SGCZ: variants seen among roughly 807,000 people sequenced by gnomAD.
The protein encoded by SGCZ is sarcoglycan zeta.
SGCZ carries 40 observed loss-of-function variants against 41.3 expected under a neutral mutation model. The ratio of observed to expected loss-of-function variants is 0.97; its 90% CI spans 0.75 to 1.26. SGCZ has a LOEUF of 1.26. Ranked by LOEUF, SGCZ falls within the 50% of genes most tolerant of loss-of-function variation. The pLI, the probability that SGCZ is intolerant of heterozygous loss-of-function variation, is 0.00. For missense variants in SGCZ, 552 were observed against 369.8 expected (o/e 1.49, Z -4.04); for synonymous variants, 206 against 137.5 (o/e 1.50, Z -3.49).
intron 1 of SGCZ, among the ~76,000 whole-genome samples, chr8:14,997,562 A>C (rs1299485938): frequency 6.6e-6 from 1 of 152,260 alleles, no homozygotes; most frequent in East Asian, 1.9e-4. Context: ...AAAGTTAATT[A>C]GCTGTTATTA....
chr8:14,146,780 G>C (rs1344736868), intron 5 of SGCZ, among the ~76,000 whole-genome samples: 1 of 144,706 alleles, frequency 6.9e-6, no homozygotes, highest in Non-Finnish European at 1.5e-5. Flanking sequence ...GCTGAGGCAG[G>C]AGAATGGCGT....
At chr8:14,626,584 G>A (rs1245395725) in intron 1 of SGCZ, among the ~76,000 whole-genome samples, 3 of 152,062 alleles carry the variant, frequency 2.0e-5, no homozygotes, top group East Asian at 1.9e-4. Context: ...GGAGTAGGGT[G>A]GGCCCCCACT....
intron 1 of SGCZ, among the ~76,000 whole-genome samples, chr8:15,123,664 A>C (rs1419440778): frequency 6.6e-6 from 1 of 152,220 alleles, no homozygotes; most frequent in Non-Finnish European, 1.5e-5. Context: ...ATATTTACTA[A>C]GTACCTTCTA....
chr8:14,542,225 G>A (rs951990271), intron 2 of SGCZ, among the ~76,000 whole-genome samples: 1 of 151,966 alleles, frequency 6.6e-6, no homozygotes, highest in African/African-American at 2.4e-5. Context: ...TTCCTGAATG[G>A]TATTGCCTAG....
intron 1 of SGCZ, among the ~76,000 whole-genome samples, chr8:15,042,681 C>G (rs17120770): frequency 0.053 from 8,138 of 152,214 alleles, 223 homozygotes; most frequent in African/African-American, 0.06. Context: ...TAGATATTTG[C>G]TGTGAAACCC....
chr8:14,410,395 T>C (rs1261899348), intron 2 of SGCZ, among the ~76,000 whole-genome samples: 2 of 118,508 alleles, frequency 1.7e-5, no homozygotes, highest in Non-Finnish European at 3.4e-5. Flanking sequence ...TGTTCAATAA[T>C]TTAAGAAAAA....
chr8:15,214,839 C>G (rs1801347075), intron 1 of SGCZ, among the ~76,000 whole-genome samples: 1 of 152,080 alleles, frequency 6.6e-6, no homozygotes, highest in African/African-American at 2.4e-5. Flanking sequence ...AGAGATGTTA[C>G]CAGAGCAAAT....
intron 1 of SGCZ, among the ~76,000 whole-genome samples, chr8:14,988,667 C>A (rs191850755): frequency 6.6e-6 from 1 of 152,058 alleles, no homozygotes; most frequent in African/African-American, 2.4e-5. Flanking sequence ...AATAGTTAGC[C>A]AAGGAATTCC....
At chr8:14,449,085 C>T (rs796535172) in intron 2 of SGCZ, among the ~76,000 whole-genome samples, 3 of 152,134 alleles carry the variant, frequency 2.0e-5, no homozygotes, top group South Asian at 4.1e-4. Context: ...CAAAACAAGT[C>T]CTGCCAGCAA....
chr8:14,408,029 A>G (rs1799259114), intron 2 of SGCZ, among the ~76,000 whole-genome samples: 1 of 152,190 alleles, frequency 6.6e-6, no homozygotes, highest in South Asian at 2.1e-4. Flanking sequence ...GGGGGAAGGA[A>G]ATAGATATTT....
At chr8:15,019,010 ACACACT>A (rs1300336252) in intron 1 of SGCZ, among the ~76,000 whole-genome samples, 1 of 152,230 alleles carries the variant, frequency 6.6e-6, no homozygotes, top group Non-Finnish European at 1.5e-5. Context: ...AGGAAGTGCT[ACACACT>A]TTTAAACAAC....
Position 15,179,252 on chromosome 8 carries a change from G to C in SGCZ, c.39+58333C>G, listed in dbSNP as rs145333161. On this transcript the variant is annotated intron_variant, in intron 1 of 7. Coordinates refer to ENST00000382080, the MANE Select transcript of SGCZ (RefSeq NM_139167.4). ...GTTAATCTCAGTAGATTTTTCTTCA[G>C]ATAGAGGGAATGAGGATGGTGTATA... is the stretch of plus-strand genomic sequence containing the variant. Among the ~76,000 whole-genome samples, 320 of 152,206 alleles carry C rather than the reference G, an allele frequency of 2.1e-3. 3 individuals carry two copies. The highest frequency in any genetic ancestry group is 0.018 in the Admixed American group (282 of 15,290).
At chr8:14,482,895 C>G (rs1410137736) in intron 2 of SGCZ, among the ~76,000 whole-genome samples, 1 of 152,040 alleles carries the variant, frequency 6.6e-6, no homozygotes, top group African/African-American at 2.4e-5. Context: ...ACTGGCTCCC[C>G]TGGGTCTCCG....
chr8:14,147,420 C>T (rs184832033), intron 5 of SGCZ, among the ~76,000 whole-genome samples: 9 of 152,150 alleles, frequency 5.9e-5, no homozygotes, highest in South Asian at 2.1e-4. Flanking sequence ...TTGCTATACT[C>T]ATATCAGACA....
At chr8:14,714,365 A>G (rs1809620222) in intron 1 of SGCZ, among the ~76,000 whole-genome samples, 1 of 152,228 alleles carries the variant, frequency 6.6e-6, no homozygotes, top group Non-Finnish European at 1.5e-5. Context: ...CAACTCAAGC[A>G]CAATATTGGT....
chr8:14,923,648 C>T (rs1472072851), intron 1 of SGCZ, among the ~76,000 whole-genome samples: 5 of 152,174 alleles, frequency 3.3e-5, no homozygotes, highest in Non-Finnish European at 2.9e-5. Flanking sequence ...ATTTAAAGTA[C>T]ATTGGAAACA....
intron 1 of SGCZ, among the ~76,000 whole-genome samples, chr8:15,194,704 G>A (rs897730975): frequency 3.3e-5 from 5 of 152,140 alleles, no homozygotes; most frequent in East Asian, 1.9e-4. Context: ...GAAGATGGAG[G>A]AGGACCATAA....
chr8:15,178,968 A>G (rs1488858341), intron 1 of SGCZ, among the ~76,000 whole-genome samples: 2 of 152,202 alleles, frequency 1.3e-5, no homozygotes, highest in South Asian at 4.1e-4. Flanking sequence ...ACAATTTTAG[A>G]TATTGTCTTG....
intron 1 of SGCZ, among the ~76,000 whole-genome samples, chr8:14,871,912 A>G (rs576847254): frequency 2.0e-5 from 3 of 151,094 alleles, no homozygotes; most frequent in Non-Finnish European, 4.4e-5. Context: ...ATGTATGTAT[A>G]TATATGTGTG....
Sources: allele counts gnomAD v4.1 joint callset (sites outside exome capture counted in the v4.1 genomes callset), GRCh38; gene constraint gnomAD v4.1.1; transcripts MANE v1.5; gene names NCBI Gene and HGNC (gene_info 2026-07-23, HGNC 2026-07-21).